The following SEMA6A variants were observed in gnomAD, a reference collection of about 807,000 sequenced individuals.
SEMA6A encodes semaphorin-6A.
Under a neutral mutation model 96.8 loss-of-function variants are expected in SEMA6A, and 25 were observed. The ratio of observed to expected loss-of-function variants is 0.26; its 90% confidence interval spans 0.19 to 0.36. SEMA6A has a LOEUF of 0.36. SEMA6A is among the 10% of genes least tolerant of loss of function. SEMA6A has a pLI of 1.00. For synonymous variants in SEMA6A, 612 were observed against 518.0 expected, an observed-to-expected ratio of 1.18 and a Z score of -2.46; for missense variants, 1,363 against 1,323.1, an observed-to-expected ratio of 1.03 and a Z score of -0.47.
chr5:116,452,538 C>T (rs1352613926), intron 18 of SEMA6A, among the ~76,000 whole-genome samples: 1 of 152,040 alleles, frequency 6.6e-6, no homozygotes, highest in Non-Finnish European at 1.5e-5. Flanking sequence ...GACCCTGCCC[C>T]TAGACCCTGC....
At chr5:116,464,415 ACAAGGCCAGTAGGGTAATGAAGGG>A (rs1158996795) in intron 18 of SEMA6A, among the ~76,000 whole-genome samples, 1 of 152,228 alleles carries the variant, frequency 6.6e-6, no homozygotes, top group Non-Finnish European at 1.5e-5. Context: ...GAGACATTAG[ACAAGGCCAGTAGGGTAATGAAGGG>A]CAAGGCCAGT....
intron 18 of SEMA6A, among the ~76,000 whole-genome samples, chr5:116,463,610 T>C (rs2112634022): frequency 6.6e-6 from 1 of 152,364 alleles, no homozygotes; most frequent in Admixed American, 6.5e-5. Context: ...AAATTCTGTT[T>C]CTGTAATACA....
intron 12 of SEMA6A, among the ~76,000 whole-genome samples, chr5:116,479,558 G>A (rs1036776429): frequency 1.3e-5 from 2 of 152,184 alleles, no homozygotes; most frequent in African/African-American, 4.8e-5. Context: ...AAAGCCTGTT[G>A]AACTGCTTGG....
intron 1 of SEMA6A, among the ~76,000 whole-genome samples, chr5:116,510,689 TCTCCTTCTCTCCCTCC>T (rs1353712975): frequency 6.6e-6 from 1 of 152,100 alleles, no homozygotes; most frequent in East Asian, 1.9e-4. Flanking sequence ...GTGAGAGAAG[TCTCCTTCTCTCCCTCC>T]CTCCTTCTCT....
intron 1 of SEMA6A, among the ~76,000 whole-genome samples, chr5:116,518,444 A>C (rs1398097931): frequency 1.3e-5 from 2 of 152,242 alleles, no homozygotes; most frequent in Admixed American, 1.3e-4. Context: ...CATTCCCATA[A>C]TTAATAGCAC....
At chr5:116,533,375 T>G (rs1481826124) in intron 1 of SEMA6A, among the ~76,000 whole-genome samples, 1 of 152,184 alleles carries the variant, frequency 6.6e-6, no homozygotes, top group Non-Finnish European at 1.5e-5. Context: ...TACACCTTTT[T>G]AGTCAGACCT....
At position 116,488,068 on chromosome 5, in the gene SEMA6A, A is replaced by G. The variant is rs574876720; in HGVS notation, c.744+40T>C. 1.0e-5 allele frequency: 14 copies of G among 1,347,136 alleles called. No individual in the cohort carries two copies. The African/African-American group carries it at 1.3e-4, about 12-fold the overall frequency. The allele number at this position is 1,347,136 out of a possible 1,614,324, so 83.4% of individuals were successfully genotyped here. On this transcript the variant is annotated intron_variant, in intron 9 of 18. Transcript: ENST00000343348. ...TTTGACCAAAGGTGTGGGTTTCTGA[A>G]AATGTTACAAACTGAGCCAAGGACA...
rs190615965 is a variant in SEMA6A, at chr5:116,512,270, C to T, written c.-38-7288G>A. 3.4e-4 allele frequency among the ~76,000 whole-genome samples: 51 copies of T among 152,220 alleles called. 1 individual carries two copies. The East Asian group carries it at 7.1e-3, about 21-fold the overall frequency. On this transcript the variant is annotated intron_variant, in intron 1 of 18. Transcript: ENST00000343348. ...CCCAGTTTGCAGGAACCACGAGGGCCGCCTGTTCAGTGATATTTGCATTAA... is the reference window on the plus strand; with the variant it reads ...CCCAGTTTGCAGGAACCACGAGGGCTGCCTGTTCAGTGATATTTGCATTAA...
intron 11 of SEMA6A, among the ~76,000 whole-genome samples, chr5:116,482,063 TG>T (rs1010759743): frequency 2.0e-5 from 3 of 152,020 alleles, no homozygotes; most frequent in Non-Finnish European, 4.4e-5. Flanking sequence ...TTTAAAGACA[TG>T]GGTCTCTATA....
At chr5:116,505,069 GA>G in intron 1 of SEMA6A, 87 bp from the exon 2 acceptor site, 12 of 629,822 alleles carry the variant, frequency 1.9e-5, no homozygotes, top group Admixed American at 2.9e-5. Flanking sequence ...AAATTCGAGA[GA>G]AAAAAAGGCT....
intron 1 of SEMA6A, among the ~76,000 whole-genome samples, chr5:116,566,377 C>T (rs964408630): frequency 9.2e-5 from 14 of 152,174 alleles, no homozygotes; most frequent in Non-Finnish European, 1.9e-4. Flanking sequence ...TAAAAGAAAG[C>T]TTCAAGTCTA....
intron 6 of SEMA6A, 112 bp downstream of exon 6, chr5:116,495,301 A>AGTTGAACACCT: frequency 1.3e-6 from 1 of 749,164 alleles, no homozygotes; most frequent in Non-Finnish European, 2.4e-6. Context: ...TGAACAAGTG[A>AGTTGAACACCT]GAGGAACTCA....
At chr5:116,540,881 A>C (rs1247289940) in intron 1 of SEMA6A, among the ~76,000 whole-genome samples, 1 of 152,220 alleles carries the variant, frequency 6.6e-6, no homozygotes, top group Non-Finnish European at 1.5e-5. Flanking sequence ...ACATGGCTGA[A>C]TGCAGACAGG....
Position 116,490,199 on chromosome 5 carries a change from T to C in SEMA6A, c.536-1192A>G, listed in dbSNP as rs116664520. On this transcript the variant is annotated intron_variant, in intron 7 of 18. Coordinates refer to ENST00000343348, the MANE Select transcript of SEMA6A (RefSeq NM_020796.5). The stretch of plus-strand genomic sequence containing the variant: ...TTAACAGCTATATATCAATAAGTTT[T>C]GGTAGATTTAAACTGCAGAGAGCAA... 3.7e-3 allele frequency among the ~76,000 whole-genome samples: 571 copies of C among 152,380 alleles called. 3 individuals are homozygous for C. Among genetic ancestry groups the C allele is most frequent in the African/African-American group, 0.013 (551 of 41,598 alleles).
In SEMA6A at chr5:116,480,154, G is replaced by T; in HGVS notation, c.1218C>A (p.Phe406Leu). ...TTGTTCTCAGGAACCATGGCCTGTTGAAGATGGAGGGCACTGCCTCATCCA... is the reference window on the plus strand; with the variant it reads ...TTGTTCTCAGGAACCATGGCCTGTTTAAGATGGAGGGCACTGCCTCATCCA... ...PLMDEAVPSIFNRPWFLRTMV... is the reference protein window; with the variant it reads ...PLMDEAVPSILNRPWFLRTMV... Residue 406 changes from phenylalanine (F) to leucine (L), a missense_variant, in exon 12 of 19, where the codon TTC (phenylalanine) becomes TTA (leucine). This residue lies in a region of SEMA6A where 480 missense variants were observed against 559.5 expected (regional missense o/e 0.86). Coordinates refer to ENST00000343348, the MANE Select transcript of SEMA6A (RefSeq NM_020796.5). 6.2e-7 allele frequency: 1 copy of T among 1,613,836 alleles called. No homozygotes were observed.
chr5:116,507,614 C>T (rs952546062), intron 1 of SEMA6A, among the ~76,000 whole-genome samples: 3 of 152,180 alleles, frequency 2.0e-5, no homozygotes, highest in African/African-American at 7.2e-5. Context: ...CCACATGTAG[C>T]ATATTTATAG....
intron 7 of SEMA6A, among the ~76,000 whole-genome samples, chr5:116,491,002 A>G (rs927206745): frequency 2.6e-5 from 4 of 152,204 alleles, no homozygotes; most frequent in Admixed American, 1.3e-4. Context: ...TGCAGTGGAA[A>G]GAAGGAGTAG....
At chr5:116,522,125 C>T (rs1048623406) in intron 1 of SEMA6A, among the ~76,000 whole-genome samples, 7 of 152,246 alleles carry the variant, frequency 4.6e-5, no homozygotes, top group African/African-American at 1.4e-4. Context: ...TTGCAGTTCT[C>T]ATATATAAGC....
chr5:116,466,809 C>T (rs548152811), intron 18 of SEMA6A, among the ~76,000 whole-genome samples: 34 of 152,236 alleles, frequency 2.2e-4, no homozygotes, highest in African/African-American at 7.9e-4. Context: ...CTCTGATTTA[C>T]AAGACTGTTT....
Sources: gnomAD v4.1 joint callset for allele counts (sites outside exome capture counted in the v4.1 genomes callset) on GRCh38, gnomAD v4.1.1 for gene constraint, gnomAD v4.1.1 regional missense constraint, MANE v1.5 for transcripts, NCBI Gene and HGNC (gene_info 2026-07-23, HGNC 2026-07-21) for gene names.